Variants in COPG2 observed in about 807,000 individuals in gnomAD.
The protein encoded by COPG2 is coat protein complex I subunit gamma 2.
A neutral mutation model predicts 46.3 loss-of-function variants in COPG2; 37 were observed. The observed-to-expected ratio is 0.80, with a 90% CI of 0.61 to 1.05. The LOEUF (loss-of-function observed/expected upper bound fraction) is 1.05, where lower values mean the gene tolerates loss of function less well. Among genes scored for constraint, COPG2 ranks in the 50% least tolerant of loss-of-function variants. The pLI is 0.00. For missense variants in COPG2, 427 were observed against 387.8 expected, an observed-to-expected ratio of 1.10 and a Z score of -0.85; for synonymous variants, 159 against 129.7, an observed-to-expected ratio of 1.23 and a Z score of -1.53.
intron 20 of COPG2, chr7:130,511,720 A>G (rs1264316287): frequency 5.8e-6 from 3 of 515,364 alleles, no homozygotes; most frequent in Non-Finnish European, 1.2e-5. Flanking sequence ...CTACTGGCAG[A>G]GCAGGTGTGG....
intron 5 of COPG2, among the ~76,000 whole-genome samples, chr7:130,630,816 CTATT>C (rs1405871509): frequency 6.6e-6 from 1 of 152,110 alleles, no homozygotes; most frequent in African/African-American, 2.4e-5. Flanking sequence ...TACTTCTAAT[CTATT>C]TGTTTCTTTA....
chr7:130,591,247 C>T (rs1301618352), intron 9 of COPG2, among the ~76,000 whole-genome samples: 5 of 130,458 alleles, frequency 3.8e-5, no homozygotes, highest in African/African-American at 8.7e-5. Flanking sequence ...CCTGGCCAGC[C>T]GCTCCGTCCG....
chr7:130,597,740 G>C (rs578082803), intron 9 of COPG2, among the ~76,000 whole-genome samples: 1 of 152,288 alleles, frequency 6.6e-6, no homozygotes, highest in African/African-American at 2.4e-5. Context: ...TGTGTTCCAG[G>C]GGAGCCTTGT....
chr7:130,640,735 C>T (rs1051266768), intron 5 of COPG2, among the ~76,000 whole-genome samples: 1 of 152,152 alleles, frequency 6.6e-6, no homozygotes, highest in Admixed American at 6.5e-5. Context: ...GGTTTCTCAA[C>T]ACACATTAAC....
intron 4 of COPG2, 76 bp downstream of exon 4, chr7:130,662,891 T>C: frequency 3.6e-6 from 3 of 833,794 alleles, no homozygotes; most frequent in South Asian, 3.2e-5. Context: ...CTCCCTAATT[T>C]AGAACACTCT....
chr7:130,668,656 AT>A lies in COPG2; in HGVS notation c.12del (p.Lys4AsnfsTer52). ...CCAGACTCCTCGTCCTTCTTGTCGA[AT>A]TTTTTAATCATCTTGGACGACTTCC... Reference protein sequence around the residue: MIKKFDKKDEESGS... With the variant: MIKXFDKKDEESGS... On this transcript the variant is annotated frameshift_variant, in exon 1 of 24. Transcript: ENST00000425248. LOFTEE classifies it high-confidence loss of function. 5 of 1,544,110 alleles carry A rather than the reference AT, an allele frequency of 3.2e-6. No homozygotes were observed. The highest frequency in any genetic ancestry group is 2.7e-5 in the East Asian group (1 of 37,364).
chr7:130,574,652 C>A (rs966268964), intron 9 of COPG2, among the ~76,000 whole-genome samples: 12 of 152,010 alleles, frequency 7.9e-5, no homozygotes, highest in Admixed American at 2.6e-4. Context: ...CACCTCCCCC[C>A]CCAAAAAAAT....
chr7:130,632,897 C>T (rs1236621575), intron 5 of COPG2, among the ~76,000 whole-genome samples: 1 of 152,036 alleles, frequency 6.6e-6, no homozygotes, highest in Non-Finnish European at 1.5e-5. Context: ...CTCCTCTAGC[C>T]CCCCACCCCG....
At position 130,551,350 on chromosome 7, in the gene COPG2, CA is replaced by C; in HGVS notation, c.1545-7del. 2.5e-6 allele frequency: 1 copy of C among 398,372 alleles called. No individual in the cohort carries two copies. Among genetic ancestry groups the C allele is most frequent in the East Asian group, 3.6e-5 (1 of 28,056 alleles). 24.7% of individuals were successfully genotyped at this position (398,372 alleles called of 1,614,324 possible). On this transcript the variant is annotated splice_region_variant and splice_polypyrimidine_tract_variant and intron_variant, in intron 15 of 23. Coordinates refer to ENST00000425248, the MANE Select transcript of COPG2 (RefSeq NM_012133.6). ...CATCAGTATCCATCATACACCTGTC[CA>C]GGGGAAACAGAATAGTCATGTCACA... is the stretch of plus-strand genomic sequence containing the variant.
In COPG2 at chr7:130,548,909, C is replaced by G. The variant is rs1411799397; in HGVS notation, c.1838-367G>C. Among the ~76,000 whole-genome samples the G allele has an allele frequency of 1.3e-4, 20 of 150,988 alleles. 1 individual carries two copies. The highest frequency in any genetic ancestry group is 1.3e-3 in the Admixed American group (20 of 15,188). On this transcript the variant is annotated intron_variant, in intron 18 of 23. Coordinates refer to ENST00000425248, the MANE Select transcript of COPG2 (RefSeq NM_012133.6). The stretch of plus-strand genomic sequence containing the variant: ...CTCCAGCCTGGGTGACAGAGCGAGA[C>G]TCTGTCTCAAAAAAAAAAAATGCTT...
intron 9 of COPG2, among the ~76,000 whole-genome samples, chr7:130,588,547 C>CA (rs1300945442): frequency 2.6e-5 from 4 of 151,720 alleles, no homozygotes; most frequent in Non-Finnish European, 5.9e-5. Context: ...ATCACAAGGA[C>CA]AAAAAACCAA....
intron 22 of COPG2, 24 bp downstream of exon 22, chr7:130,507,661 T>C (rs782318159): frequency 1.8e-5 from 14 of 779,202 alleles, no homozygotes; most frequent in East Asian, 1.5e-4. Flanking sequence ...TCAGGCAATA[T>C]ACTGATAGCA....
At chr7:130,611,914 T>C (rs1794856320) in intron 8 of COPG2, among the ~76,000 whole-genome samples, 1 of 152,220 alleles carries the variant, frequency 6.6e-6, no homozygotes, top group African/African-American at 2.4e-5. Context: ...CTACTGAATA[T>C]AACAATCTTT....
intron 9 of COPG2, among the ~76,000 whole-genome samples, chr7:130,586,634 T>G (rs1554448030): frequency 6.6e-6 from 1 of 151,924 alleles, no homozygotes. Flanking sequence ...GGCTAATTTT[T>G]TGGATTTTTA....
At chr7:130,592,971 A>G (rs957642589) in intron 9 of COPG2, among the ~76,000 whole-genome samples, 2 of 152,378 alleles carry the variant, frequency 1.3e-5, no homozygotes, top group African/African-American at 4.8e-5. Flanking sequence ...TGAAAATGTC[A>G]TTAGACTTCT....
intron 5 of COPG2, among the ~76,000 whole-genome samples, chr7:130,621,470 A>G (rs1795036945): frequency 6.6e-6 from 1 of 152,226 alleles, no homozygotes; most frequent in African/African-American, 2.4e-5. Context: ...GCACAAAGGC[A>G]GTTATACACA....
intron 3 of COPG2, among the ~76,000 whole-genome samples, chr7:130,665,935 A>G (rs1456873421): frequency 3.3e-5 from 5 of 152,152 alleles, no homozygotes; most frequent in Non-Finnish European, 5.9e-5. Context: ...TTTGTCTGCT[A>G]TATCCCCAAC....
chr7:130,591,477 G>A (rs1343359150), intron 9 of COPG2, among the ~76,000 whole-genome samples: 1 of 83,334 alleles, frequency 1.2e-5, no homozygotes, highest in Non-Finnish European at 2.4e-5. Flanking sequence ...GGAGGTGGGG[G>A]GGTCAGCCCC....
At chr7:130,524,348 G>T (rs36136708) in intron 20 of COPG2, among the ~76,000 whole-genome samples, 48,380 of 151,730 alleles carry the variant, frequency 0.32, 8,401 homozygotes, top group African/African-American at 0.45. Context: ...CTGAAAAAAT[G>T]CAGGAGGGTG....
Sources: allele counts gnomAD v4.1 joint callset (sites outside exome capture counted in the v4.1 genomes callset), GRCh38; gene constraint gnomAD v4.1.1; transcripts MANE v1.5; gene names NCBI Gene and HGNC (gene_info 2026-07-23, HGNC 2026-07-21).